The following NAV1 variants were observed in gnomAD, a reference collection of about 807,000 sequenced individuals.
The protein encoded by NAV1 is neuron navigator 1.
A neutral mutation model predicts 175.2 loss-of-function variants in NAV1; 18 were observed. That is an observed-to-expected ratio of 0.10 (90% CI 0.07 to 0.15). NAV1 has a LOEUF of 0.15. Ranked by LOEUF, NAV1 falls within the 10% of genes least tolerant of loss-of-function variation. The pLI, the probability that NAV1 is intolerant of heterozygous loss-of-function variation, is 1.00. For missense variants in NAV1, 1,731 were observed against 2,436.6 expected, an observed-to-expected ratio of 0.71 and a Z score of 6.10; for synonymous variants, 897 against 978.7, an observed-to-expected ratio of 0.92 and a Z score of 1.56.
intron 1 of NAV1, among the ~76,000 whole-genome samples, chr1:201,543,332 T>TA (rs1553235853): frequency 6.6e-6 from 1 of 152,090 alleles, no homozygotes; most frequent in Non-Finnish European, 1.5e-5. Context: ...CATTTTTTTT[T>TA]AATCACAAAG....
At chr1:201,684,273 A>G (rs1233814876) in intron 1 of NAV1, among the ~76,000 whole-genome samples, 2 of 152,042 alleles carry the variant, frequency 1.3e-5, no homozygotes, top group Non-Finnish European at 2.9e-5. Flanking sequence ...GGGTGTGCCT[A>G]TTGCTATCAC....
At chr1:201,691,257 G>A (rs1335276963) in intron 1 of NAV1, among the ~76,000 whole-genome samples, 3 of 152,192 alleles carry the variant, frequency 2.0e-5, no homozygotes, top group African/African-American at 7.2e-5. Flanking sequence ...TGTCCCCTGA[G>A]GGGCAACATC....
intron 1 of NAV1, among the ~76,000 whole-genome samples, chr1:201,678,281 T>C (rs781262036): frequency 1.3e-5 from 2 of 152,238 alleles, no homozygotes; most frequent in Non-Finnish European, 2.9e-5. Flanking sequence ...AAGCTGCTGC[T>C]GCCAAAGCAA....
chr1:201,582,123 C>G (rs1041728144), intron 1 of NAV1, among the ~76,000 whole-genome samples: 1 of 152,172 alleles, frequency 6.6e-6, no homozygotes, highest in African/African-American at 2.4e-5. Context: ...AGGAACAGAG[C>G]TGCCATGTTT....
chr1:201,618,645 G>A (rs551013198), upstream of NAV1, among the ~76,000 whole-genome samples: 12 of 152,204 alleles, frequency 7.9e-5, no homozygotes, highest in African/African-American at 2.9e-4. Context: ...GAGCCTCAGA[G>A]TCCTGTCCAT....
chr1:201,598,444 T>C (rs1667418307), intron 2 of NAV1, among the ~76,000 whole-genome samples: 2 of 152,160 alleles, frequency 1.3e-5, no homozygotes, highest in Non-Finnish European at 2.9e-5. Context: ...CAGGTCTTTT[T>C]GGCCTCAGGG....
intron 1 of NAV1, among the ~76,000 whole-genome samples, chr1:201,661,149 T>G (rs2102355964): frequency 6.6e-6 from 1 of 152,320 alleles, no homozygotes; most frequent in African/African-American, 2.4e-5. Flanking sequence ...GCCGCTAGAC[T>G]CTACTGCCTC....
chr1:201,823,331 T>G (rs1156711205), exon 30 of NAV1: 1 of 152,430 alleles, frequency 6.6e-6, no homozygotes, highest in Non-Finnish European at 1.5e-5. Context: ...AAATACTAGG[T>G]CATTGGAGGC....
intron 3 of NAV1, among the ~76,000 whole-genome samples, chr1:201,771,562 A>G (rs995067468): frequency 1.3e-5 from 2 of 151,754 alleles, no homozygotes; most frequent in Non-Finnish European, 2.9e-5. Flanking sequence ...ACCTGGCTCT[A>G]TGACAGGCTA....
exon 1 of NAV1, chr1:201,648,877 G>A: frequency 6.2e-7 from 1 of 1,612,462 alleles, no homozygotes; most frequent in Non-Finnish European, 8.5e-7. Flanking sequence ...TTCAAGTCCG[G>A]CAGCGTGGAC....
intron 3 of NAV1, among the ~76,000 whole-genome samples, chr1:201,776,832 C>G (rs1436760507): frequency 6.7e-6 from 1 of 149,334 alleles, no homozygotes; most frequent in Non-Finnish European, 1.5e-5. Flanking sequence ...TGTGTAGATT[C>G]AAAGCATCCG....
At chr1:201,739,824 A>C (rs1202036160) in intron 3 of NAV1, 1 of 1,237,384 alleles carries the variant, frequency 8.1e-7, no homozygotes. Flanking sequence ...GGGCTCTGTC[A>C]CTTTAAGTAC....
rs140976118 is a variant in NAV1 at position 201,561,457 on chromosome 1, G to A, written c.-144+22115G>A. Among the ~76,000 whole-genome samples, 407 of 152,178 alleles carry A rather than the reference G, an allele frequency of 2.7e-3. 3 individuals carry two copies. The highest frequency in any genetic ancestry group is 4.4e-3 in the Non-Finnish European group (297 of 68,024). On this transcript the variant is annotated intron_variant, in intron 1 of 33. Coordinates refer to the NAV1 transcript ENST00000685211. Reference sequence around the variant, plus strand: ...TGTTACTTACTTACTTACTAGCTGGGTAACTAACCAGGGTGCTTTAGTTTC... The same window carrying A: ...TGTTACTTACTTACTTACTAGCTGGATAACTAACCAGGGTGCTTTAGTTTC...
chr1:201,566,307 A>G (rs1571824107), intron 1 of NAV1, among the ~76,000 whole-genome samples: 1 of 151,986 alleles, frequency 6.6e-6, no homozygotes, highest in African/African-American at 2.4e-5. Flanking sequence ...CTCGAGGCTC[A>G]CCGCCTCCAG....
intron 2 of NAV1, among the ~76,000 whole-genome samples, chr1:201,611,945 T>A (rs1199538591): frequency 1.3e-5 from 2 of 149,032 alleles, no homozygotes; most frequent in Non-Finnish European, 2.9e-5. Context: ...GCATGTATGA[T>A]GTGTGCGGTG....
Position 201,781,315 on chromosome 1 carries a change from C to T in NAV1, c.1663+6C>T. The T allele has an allele frequency of 6.3e-7, 1 of 1,599,530 alleles. No individual in the cohort carries two copies. The highest frequency in any genetic ancestry group is 1.1e-5 in the South Asian group (1 of 88,806). ...GAGTGCCCTCAAAGTCGCAGGTGAG[C>T]CTGGAATAAAGGAAGGTACAAGGGC... is the stretch of plus-strand genomic sequence containing the variant. On this transcript the variant is annotated splice_donor_region_variant and intron_variant, in intron 5 of 29. Transcript: ENST00000367296.
chr1:201,744,818 A>G (rs1231654042), intron 3 of NAV1, among the ~76,000 whole-genome samples: 1 of 152,156 alleles, frequency 6.6e-6, no homozygotes, highest in Non-Finnish European at 1.5e-5. Flanking sequence ...CTCTGCCTAG[A>G]CCCATCATCA....
intron 3 of NAV1, among the ~76,000 whole-genome samples, chr1:201,777,037 A>G (rs1675996802): frequency 6.6e-6 from 1 of 152,254 alleles, no homozygotes; most frequent in South Asian, 2.1e-4. Flanking sequence ...CTGAAAGAAG[A>G]TATTTTCAGC....
rs192520999 is a variant in NAV1, at chr1:201,682,670, A to G, written c.758-30147A>G. 1.2e-3 allele frequency among the ~76,000 whole-genome samples: 185 copies of G among 152,188 alleles called. 1 individual carries two copies. Among genetic ancestry groups the G allele is most frequent in the African/African-American group, 4.3e-3 (178 of 41,514 alleles). ...TGAAAAGTTGGCCCTTGGTGTAGGCAGTTTTCACATCCCGGGAATACTTTA... is the reference window on the plus strand; with the variant it reads ...TGAAAAGTTGGCCCTTGGTGTAGGCGGTTTTCACATCCCGGGAATACTTTA... On this transcript the variant is annotated intron_variant, in intron 1 of 29. Transcript: ENST00000367296.
Sources: gnomAD v4.1 joint callset for allele counts (sites outside exome capture counted in the v4.1 genomes callset) on GRCh38, gnomAD v4.1.1 for gene constraint, MANE v1.5 for transcripts, NCBI Gene and HGNC (gene_info 2026-07-23, HGNC 2026-07-21) for gene names.